The following ASB3 variants were observed in gnomAD, a reference collection of about 807,000 sequenced individuals.
The protein encoded by ASB3 is ankyrin repeat and SOCS box protein 3.
ASB3 carries 41 observed loss-of-function variants against 54.5 expected under a neutral mutation model. The observed-to-expected ratio is 0.75, with a 90% CI of 0.59 to 0.98. ASB3 has a LOEUF of 0.98. Ranked by LOEUF, ASB3 falls within the 50% of genes least tolerant of loss-of-function variation. The pLI, the probability that ASB3 is intolerant of heterozygous loss-of-function variation, is 0.00. For missense variants in ASB3, 733 were observed against 620.0 expected (o/e 1.18, Z -1.94); for synonymous variants, 266 against 221.2 (o/e 1.20, Z -1.80).
intron 1 of ASB3, among the ~76,000 whole-genome samples, chr2:53,779,091 G>T (rs1304583195): frequency 2.0e-5 from 3 of 152,106 alleles, no homozygotes; most frequent in Non-Finnish European, 4.4e-5. Context: ...ACATATTGGG[G>T]TGATATCTCA....
intron 2 of ASB3, among the ~76,000 whole-genome samples, chr2:53,751,286 T>C (rs1335430705): frequency 2.6e-5 from 4 of 152,192 alleles, no homozygotes; most frequent in South Asian, 4.1e-4. Context: ...ACAGAATTTA[T>C]CGAAATATTC....
intron 5 of ASB3, among the ~76,000 whole-genome samples, chr2:53,718,514 G>C (rs917593628): frequency 1.3e-5 from 2 of 151,978 alleles, no homozygotes; most frequent in Non-Finnish European, 2.9e-5. Context: ...GATCCTTAAG[G>C]GACTTTTAAA....
At chr2:53,742,900 T>A (rs1284580738) in intron 3 of ASB3, among the ~76,000 whole-genome samples, 1 of 152,092 alleles carries the variant, frequency 6.6e-6, no homozygotes, top group East Asian at 1.9e-4. Flanking sequence ...TCCAGAAAGA[T>A]TAACTAAAAT....
At chr2:53,741,169 T>C (rs973215065) in intron 3 of ASB3, among the ~76,000 whole-genome samples, 2 of 152,206 alleles carry the variant, frequency 1.3e-5, no homozygotes, top group East Asian at 1.9e-4. Flanking sequence ...AAGAGTCCTA[T>C]TTATGTAGGA....
At chr2:53,730,063 A>G (rs1671214132) in intron 3 of ASB3, among the ~76,000 whole-genome samples, 1 of 152,240 alleles carries the variant, frequency 6.6e-6, no homozygotes, top group Non-Finnish European at 1.5e-5. Context: ...ATGTTCTTAT[A>G]TCCATCAATG....
At chr2:53,742,464 G>A (rs148993981) in intron 3 of ASB3, among the ~76,000 whole-genome samples, 1 of 152,196 alleles carries the variant, frequency 6.6e-6, no homozygotes, top group African/African-American at 2.4e-5. Context: ...CCTCTCATCT[G>A]AAAAATATTA....
chr2:53,755,003 T>C (rs1389956393), intron 2 of ASB3, among the ~76,000 whole-genome samples: 1 of 152,248 alleles, frequency 6.6e-6, no homozygotes, highest in Non-Finnish European at 1.5e-5. Context: ...GGGGTGCTTC[T>C]TGAAAAAGAA....
At chr2:53,702,086 G>T (rs150014979) in intron 7 of ASB3, among the ~76,000 whole-genome samples, 2 of 152,218 alleles carry the variant, frequency 1.3e-5, no homozygotes, top group Non-Finnish European at 2.9e-5. Flanking sequence ...TACAGAATTA[G>T]TATTCTACCA....
intron 7 of ASB3, among the ~76,000 whole-genome samples, chr2:53,714,102 T>G: frequency 6.6e-6 from 1 of 152,146 alleles, no homozygotes; most frequent in East Asian, 1.9e-4. Flanking sequence ...ACCAAAAATA[T>G]CAGCAAATTT....
chr2:53,771,392 A>T (rs1030583609), intron 1 of ASB3, among the ~76,000 whole-genome samples: 2 of 152,118 alleles, frequency 1.3e-5, no homozygotes, highest in Admixed American at 6.5e-5. Flanking sequence ...GGGCACCTGT[A>T]ATCCCAACTA....
At chr2:53,717,507 T>A (rs1159407550) in intron 5 of ASB3, among the ~76,000 whole-genome samples, 1 of 151,640 alleles carries the variant, frequency 6.6e-6, no homozygotes, top group Non-Finnish European at 1.5e-5. Context: ...GGAAAAACAA[T>A]AATATTATAG....
chr2:53,680,630 C>T (rs1201817763), intron 9 of ASB3, among the ~76,000 whole-genome samples: 1 of 152,004 alleles, frequency 6.6e-6, no homozygotes, highest in African/African-American at 2.4e-5. Context: ...TTATGGGGTA[C>T]ATGAGATACT....
At chr2:53,768,079 C>T (rs1056655438) in intron 1 of ASB3, 1 of 1,586,546 alleles carries the variant, frequency 6.3e-7, no homozygotes, top group African/African-American at 1.3e-5. Flanking sequence ...TCCCCAACTC[C>T]ACACACAGCA....
chr2:53,732,936 A>C (rs919445201), intron 3 of ASB3, among the ~76,000 whole-genome samples: 1 of 152,246 alleles, frequency 6.6e-6, no homozygotes, highest in East Asian at 1.9e-4. Flanking sequence ...GAGGAGACCC[A>C]TAACTGTGCT....
chr2:53,746,196 G>C (rs1243190090), intron 3 of ASB3, among the ~76,000 whole-genome samples: 1 of 152,110 alleles, frequency 6.6e-6, no homozygotes, highest in Admixed American at 6.5e-5. Flanking sequence ...TCAAGAGGCT[G>C]AGGCAGGAGG....
chr2:53,723,090 C>A (rs1261346551), intron 5 of ASB3, among the ~76,000 whole-genome samples: 4 of 151,922 alleles, frequency 2.6e-5, no homozygotes, highest in Admixed American at 6.6e-5. Context: ...CCATTTATAA[C>A]AGCCACCAAA....
intron 9 of ASB3, 129 bp downstream of exon 9, chr2:53,693,755 A>AAC (rs1669039734): frequency 7.6e-7 from 1 of 1,320,666 alleles, no homozygotes; most frequent in African/African-American, 1.5e-5. Context: ...TCTTTTCCTC[A>AAC]CATAAGAAAA....
At chr2:53,736,756 C>G (rs2103945417) in intron 3 of ASB3, among the ~76,000 whole-genome samples, 1 of 150,774 alleles carries the variant, frequency 6.6e-6, no homozygotes, top group African/African-American at 2.4e-5. Context: ...AACCCCAGCA[C>G]TTTGGGAGAC....
At chr2:53,734,206 T>TG (rs1313735751) in intron 3 of ASB3, among the ~76,000 whole-genome samples, 4 of 152,206 alleles carry the variant, frequency 2.6e-5, no homozygotes, top group African/African-American at 7.2e-5. Context: ...GGCCACATTT[T>TG]GGGGGGCCTG....
Sources: gnomAD v4.1 joint callset for allele counts (sites outside exome capture counted in the v4.1 genomes callset) on GRCh38, gnomAD v4.1.1 for gene constraint, MANE v1.5 for transcripts, NCBI Gene and HGNC (gene_info 2026-07-23, HGNC 2026-07-21) for gene names.